The following ANKMY1 variants were observed in gnomAD, a reference collection of about 807,000 sequenced individuals.
ANKMY1 encodes the protein ankyrin repeat and MYND domain-containing protein 1.
A neutral mutation model predicts 102.0 loss-of-function variants in ANKMY1; 98 were observed. That is an observed-to-expected ratio of 0.96 (90% CI 0.82 to 1.14). The LOEUF is 1.14. Ranked by LOEUF, ANKMY1 falls within the 50% of genes most tolerant of loss-of-function variation. The pLI, the probability that ANKMY1 is intolerant of heterozygous loss-of-function variation, is 0.00. For synonymous variants in ANKMY1, 582 were observed against 559.9 expected, an observed-to-expected ratio of 1.04 and a Z score of -0.56; for missense variants, 1,330 against 1,347.6, an observed-to-expected ratio of 0.99 and a Z score of 0.20.
In ANKMY1 at chr2:240,509,428, G is replaced by C; in HGVS notation, c.2314C>G (p.Leu772Val). The change falls in exon 12 of 18, where the codon CTA becomes GTA. Residue 772 changes from leucine to valine, a missense_variant. Physicochemically the swap from Leu to Val is conservative, Grantham distance 32. Transcript: ENST00000401804. ...AGGTTAGGATTTGCTCCGTGGGATA[G>C]AAGGAGCCGGACTATGTCCCTGGCA... The part of the protein sequence containing the change: ...KCARDIVRLL[L>V]SHGANPNLLW... 6.2e-7 allele frequency: 1 copy of C among 1,613,466 alleles called. No homozygotes were observed.
chr2:240,489,097 G>A (rs1251987539), intron 15 of ANKMY1, among the ~76,000 whole-genome samples: 1 of 152,124 alleles, frequency 6.6e-6, no homozygotes, highest in Non-Finnish European at 1.5e-5. Flanking sequence ...GATGTTAGCT[G>A]TGGGCTTGTC....
At chr2:240,505,506 C>T (rs759328440) in intron 13 of ANKMY1, among the ~76,000 whole-genome samples, 2 of 151,916 alleles carry the variant, frequency 1.3e-5, no homozygotes, top group Non-Finnish European at 2.9e-5. Context: ...CCATAGGACC[C>T]AGCCATCCCA....
At chr2:240,528,651 C>G (rs2084469964) in intron 5 of ANKMY1, among the ~76,000 whole-genome samples, 1 of 152,106 alleles carries the variant, frequency 6.6e-6, no homozygotes, top group East Asian at 1.9e-4. Context: ...CAGGACTCAC[C>G]ATTAGCTCCA....
At position 240,499,038 on chromosome 2, in the gene ANKMY1, C is replaced by T. The variant is rs539370774; in HGVS notation, c.2806+920G>A. On this transcript the variant is annotated intron_variant, in intron 15 of 17. Coordinates refer to ENST00000401804, the MANE Select transcript of ANKMY1 (RefSeq NM_001282771.3). The surrounding 1 kb of genome is among the most constrained non-coding windows in gnomAD (Gnocchi z 4.2). ...AGTCTCAGGTGTTCCTTTACAGCAA[C>T]GCAAACGGACTAACAGCACGTGGAA... is the stretch of plus-strand genomic sequence containing the variant. Among the ~76,000 whole-genome samples the T allele has an allele frequency of 8.3e-4, 126 of 152,306 alleles. 2 individuals carry two copies. Among genetic ancestry groups the T allele is most frequent in the African/African-American group, 2.6e-3 (109 of 41,558 alleles).
chr2:240,511,907 C>G lies in ANKMY1; in HGVS notation c.2240G>C (p.Gly747Ala), dbSNP rs751087943. 6.3e-7 allele frequency: 1 copy of G among 1,584,778 alleles called. No homozygotes were observed. The part of the protein sequence containing the change: ...STDTALPEEG[G>A]RTALHMACER... ...GCAGGCCATGTGCAGAGCCGTCCTG[C>G]CCCCCTCCTCCGGGAGGGCTGTGTC... Residue 747 changes from glycine to alanine, a missense_variant, in exon 11 of 18, where the codon GGC (glycine) becomes GCC (alanine). Physicochemically the swap from Gly to Ala is moderately conservative, Grantham distance 60 (BLOSUM62 0). Transcript: ENST00000401804.
chr2:240,526,556 C>G, intron 5 of ANKMY1, 111 bp from the exon 6 acceptor site: 1 of 1,519,340 alleles, frequency 6.6e-7, no homozygotes, highest in Non-Finnish European at 8.8e-7. Context: ...TGGCTCAGCC[C>G]CCCACTGTTC....
chr2:240,557,098 C>G (rs569654499), intron 2 of ANKMY1, 92 bp downstream of exon 2: 2 of 1,327,290 alleles, frequency 1.5e-6, no homozygotes, highest in African/African-American at 3.0e-5. Flanking sequence ...TAACACAGTT[C>G]AGGGATTTTT....
chr2:240,486,447 A>G (rs1442025509), intron 15 of ANKMY1, among the ~76,000 whole-genome samples: 1 of 152,234 alleles, frequency 6.6e-6, no homozygotes, highest in Non-Finnish European at 1.5e-5. Flanking sequence ...TTTACAATTA[A>G]CTTTTCCAAT....
intron 13 of ANKMY1, among the ~76,000 whole-genome samples, chr2:240,505,974 A>G: frequency 6.6e-6 from 1 of 152,098 alleles, no homozygotes; most frequent in Non-Finnish European, 1.5e-5. Context: ...TATCCAGTGG[A>G]AGCAGACAGC....
rs372004374 is a variant in ANKMY1 at position 240,512,791 on chromosome 2, G to A, written c.2145+11C>T. ...GGCCCCATACCCCTATCCAGGTCGC[G>A]AGGTACACACCTTGCCGGGCTTGTA... On this transcript the variant is annotated intron_variant, in intron 10 of 17. Transcript: ENST00000401804. The A allele has an allele frequency of 1.3e-4, 204 of 1,612,092 alleles. 1 individual carries two copies. The highest frequency in any genetic ancestry group is 1.5e-4 in the Non-Finnish European group (176 of 1,178,944).
In ANKMY1 at chr2:240,554,846, GA is replaced by G; in HGVS notation, c.336+19del. The G allele has an allele frequency of 2.5e-6, 4 of 1,613,554 alleles. No homozygotes were observed. Among genetic ancestry groups the G allele is most frequent in the Non-Finnish European group, 3.4e-6 (4 of 1,179,566 alleles). Reference sequence around the variant, plus strand: ...CAGAGGCCCTAGGGGAGGAGGCGGAGAAAGTGTGGAAGCAGTTACCTCGCCT... The same window carrying G: ...CAGAGGCCCTAGGGGAGGAGGCGGAGAAGTGTGGAAGCAGTTACCTCGCCT... On this transcript the variant is annotated intron_variant, in intron 3 of 17. Transcript: ENST00000401804.
In ANKMY1 at chr2:240,520,340, G is replaced by A. The variant is rs1575113647; in HGVS notation, c.2004+22C>T. 1 of 1,516,690 alleles carries A rather than the reference G, an allele frequency of 6.6e-7. No homozygotes were observed. Among genetic ancestry groups the A allele is most frequent in the Non-Finnish European group, 8.9e-7 (1 of 1,126,962 alleles). 94.0% of individuals were successfully genotyped at this position (1,516,690 alleles called of 1,614,324 possible). On this transcript the variant is annotated intron_variant, in intron 9 of 17. Transcript: ENST00000401804. The surrounding 1 kb of genome is among the most constrained non-coding windows in gnomAD (Gnocchi z 4.8). Reference sequence around the variant, plus strand: ...GGGAGTCTGCTGCGCTCGTCCCGGCGCCCGCCCGCCGCGGCTCCTACCTGC... The same window carrying A: ...GGGAGTCTGCTGCGCTCGTCCCGGCACCCGCCCGCCGCGGCTCCTACCTGC...
Position 240,480,997 on chromosome 2 carries a change from A to C in ANKMY1, c.2986T>G (p.Cys996Gly). ...AACTCGGTCCAGGCCTTGGTCTTGC[A>C]GTACTTGCTGCAGGTCAGGATCCCG... ...CYGILTCSKYCKTKAWTEFHK... is the reference protein window; with the variant it reads ...CYGILTCSKYGKTKAWTEFHK... Residue 996 changes from cysteine to glycine, a missense_variant, in exon 17 of 18, where the codon TGC becomes GGC. Transcript: ENST00000401804. 1 of 1,613,968 alleles carries C rather than the reference A, an allele frequency of 6.2e-7. No individual in the cohort carries two copies. The highest frequency in any genetic ancestry group is 8.5e-7 in the Non-Finnish European group (1 of 1,179,858).
Position 240,499,174 on chromosome 2 carries a change from G to A in ANKMY1, c.2806+784C>T, listed in dbSNP as rs560652185. The stretch of plus-strand genomic sequence containing the variant: ...CATGCTGAGGGCTCGGTGTGGGGGC[G>A]GGATCAGCAGGTTCCGGTGTGTGTG... On this transcript the variant is annotated intron_variant, in intron 15 of 17. Transcript: ENST00000401804. The surrounding 1 kb of genome is among the most constrained non-coding windows in gnomAD (Gnocchi z 4.2). 2.6e-5 allele frequency among the ~76,000 whole-genome samples: 4 copies of A among 152,246 alleles called. No homozygotes were observed. The highest frequency in any genetic ancestry group is 7.2e-5 in the African/African-American group (3 of 41,524).
intron 4 of ANKMY1, 106 bp downstream of exon 4, chr2:240,552,808 G>A: frequency 6.5e-7 from 1 of 1,548,690 alleles, no homozygotes; most frequent in Non-Finnish European, 8.8e-7. Context: ...AAAGCTACTT[G>A]TAGCTAAACA....
At position 240,503,602 on chromosome 2, in the gene ANKMY1, C is replaced by T. The variant is rs115471629; in HGVS notation, c.2527-3037G>A. On this transcript the variant is annotated intron_variant, in intron 13 of 17. Coordinates refer to ENST00000401804, the MANE Select transcript of ANKMY1 (RefSeq NM_001282771.3). ...TGAGAATATTCAGGAGGCCTGGTGA[C>T]CCCAGACCCTGAACAAGCTCCACCT... Among the ~76,000 whole-genome samples the T allele has an allele frequency of 9.6e-3, 1,463 of 152,264 alleles. 16 individuals carry two copies. Among genetic ancestry groups the T allele is most frequent in the African/African-American group, 0.034 (1,399 of 41,538 alleles).
At chr2:240,556,144 C>G (rs528486690) in intron 2 of ANKMY1, among the ~76,000 whole-genome samples, 1 of 152,296 alleles carries the variant, frequency 6.6e-6, no homozygotes, top group South Asian at 2.1e-4. Flanking sequence ...TCCATCTTCA[C>G]CACCCCATCT....
Position 240,520,206 on chromosome 2 carries a change from C to G in ANKMY1, c.2004+156G>C. The G allele has an allele frequency of 9.1e-7, 1 of 1,104,162 alleles. No homozygotes were observed. The highest frequency in any genetic ancestry group is 2.0e-4 in the Middle Eastern group (1 of 5,122). 68.4% of individuals were successfully genotyped at this position (1,104,162 alleles called of 1,614,324 possible). A position where few individuals can be genotyped will look rare whatever the true frequency, so the allele number is the denominator to read the frequency against. On this transcript the variant is annotated intron_variant, in intron 9 of 17. Transcript: ENST00000401804. This position sits in a 1 kb window ranked among gnomAD's most constrained non-coding sequence, Gnocchi z 4.8. ...ATGGGTGAAAGAGCGGGCTGTGGGA[C>G]CCCCCACTGCGGCGCGCCGTCATCA...
chr2:240,542,458 C>T (rs373597819), intron 4 of ANKMY1, among the ~76,000 whole-genome samples: 74 of 151,588 alleles, frequency 4.9e-4, no homozygotes, highest in Non-Finnish European at 9.3e-4. Context: ...GAGCTGATAC[C>T]GCGCCACTGC....
Sources: allele counts gnomAD v4.1 joint callset (sites outside exome capture counted in the v4.1 genomes callset), GRCh38; gene constraint gnomAD v4.1.1; non-coding constraint Gnocchi (gnomAD v3.1); transcripts MANE v1.5; gene names NCBI Gene and HGNC (gene_info 2026-07-23, HGNC 2026-07-21).